The following NT5C3A variants were observed in gnomAD, a reference collection of about 807,000 sequenced individuals.
NT5C3A encodes the protein 5'-nucleotidase, cytosolic IIIA.
A neutral mutation model predicts 40.0 loss-of-function variants in NT5C3A; 23 were observed. That is an observed-to-expected ratio of 0.58 (90% confidence interval 0.41 to 0.81). The LOEUF is 0.81. NT5C3A is among the 40% of genes least tolerant of loss of function. The probability of loss-of-function intolerance (pLI) is 0.00; values close to 1 mark genes in which losing one functional copy is unlikely to be tolerated. For synonymous variants in NT5C3A, 130 were observed against 141.4 expected (o/e 0.92, Z 0.57); for missense variants, 328 against 403.0 (o/e 0.81, Z 1.59).
intron 8 of NT5C3A, 71 bp downstream of exon 8, chr7:33,015,599 A>T: frequency 1.0e-6 from 1 of 981,434 alleles, no homozygotes; most frequent in Non-Finnish European, 1.6e-6. Flanking sequence ...TCAGGTGACT[A>T]TGGCAACAAT....
At chr7:33,054,968 G>A (rs1787514084) in intron 1 of NT5C3A, among the ~76,000 whole-genome samples, 1 of 152,198 alleles carries the variant, frequency 6.6e-6, no homozygotes, top group South Asian at 2.1e-4. Flanking sequence ...GCTATGTGTT[G>A]AGAGCTACTT....
chr7:33,015,276 A>G (rs904020052), intron 8 of NT5C3A, among the ~76,000 whole-genome samples: 5 of 152,154 alleles, frequency 3.3e-5, no homozygotes, highest in Admixed American at 6.5e-5. Flanking sequence ...CATGATCACA[A>G]TATGTTTTGG....
intron 1 of NT5C3A, among the ~76,000 whole-genome samples, chr7:33,034,082 G>A (rs1278486613): frequency 6.6e-6 from 1 of 151,564 alleles, no homozygotes; most frequent in Non-Finnish European, 1.5e-5. Context: ...TAGTAGGGAC[G>A]GGGTTTCACC....
chr7:33,017,365 T>C (rs776063724), intron 7 of NT5C3A, 74 bp downstream of exon 7: 1 of 1,215,850 alleles, frequency 8.2e-7, no homozygotes. Flanking sequence ...ATATATTAAG[T>C]AACAATAAAT....
intron 1 of NT5C3A, among the ~76,000 whole-genome samples, chr7:33,057,532 T>G (rs1049554009): frequency 3.3e-5 from 5 of 151,518 alleles, no homozygotes; most frequent in African/African-American, 4.9e-5. Context: ...AAAAAGAAAA[T>G]AAAATAAAAA....
At chr7:33,022,529 AAAATT>A (rs1483690811) in intron 3 of NT5C3A, among the ~76,000 whole-genome samples, 1 of 152,250 alleles carries the variant, frequency 6.6e-6, no homozygotes, top group Non-Finnish European at 1.5e-5. Context: ...GAAGAAAACA[AAAATT>A]GAATGGTAAA....
At chr7:33,050,696 T>C (rs1787329405) in intron 1 of NT5C3A, among the ~76,000 whole-genome samples, 1 of 152,234 alleles carries the variant, frequency 6.6e-6, no homozygotes, top group African/African-American at 2.4e-5. Context: ...TAAACTACTT[T>C]GTAATCTATC....
chr7:33,022,462 A>C (rs1785681817), intron 3 of NT5C3A, among the ~76,000 whole-genome samples: 1 of 152,178 alleles, frequency 6.6e-6, no homozygotes, highest in East Asian at 1.9e-4. Context: ...TTTTTTTCGT[A>C]ATAAAAAGAT....
intron 1 of NT5C3A, among the ~76,000 whole-genome samples, chr7:33,058,333 T>A (rs548492199): frequency 7.0e-6 from 1 of 143,674 alleles, no homozygotes; most frequent in East Asian, 2.0e-4. Flanking sequence ...AGTACACTTT[T>A]ATTATTTTTT....
intron 1 of NT5C3A, among the ~76,000 whole-genome samples, chr7:33,061,189 T>C (rs1053203437): frequency 2.6e-5 from 4 of 152,222 alleles, no homozygotes; most frequent in African/African-American, 7.2e-5. Flanking sequence ...ATTATTAACC[T>C]TGGGCAAAAG....
At chr7:33,030,043 A>G (rs1191072630) in intron 1 of NT5C3A, among the ~76,000 whole-genome samples, 1 of 152,164 alleles carries the variant, frequency 6.6e-6, no homozygotes, top group East Asian at 1.9e-4. Flanking sequence ...AAAAATGACC[A>G]TTCTATCTGT....
At chr7:33,024,293 T>C (rs1412490448) in intron 2 of NT5C3A, among the ~76,000 whole-genome samples, 185 bp from the exon 3 acceptor site, 1 of 152,222 alleles carries the variant, frequency 6.6e-6, no homozygotes, top group Non-Finnish European at 1.5e-5. Context: ...TATAAAGTCC[T>C]GGGAATAATC....
At chr7:33,041,031 C>T in intron 1 of NT5C3A, 1 of 985,444 alleles carries the variant, frequency 1.0e-6, no homozygotes, top group Non-Finnish European at 1.2e-6. Flanking sequence ...TTTATATATG[C>T]TCTTGGTTAC....
intron 2 of NT5C3A, 68 bp from the exon 3 acceptor site, chr7:33,024,176 C>G (rs1394324417): frequency 2.4e-6 from 2 of 844,170 alleles, no homozygotes; most frequent in African/African-American, 3.3e-5. Context: ...TCTGTGCTAC[C>G]CAAACACATA....
At chr7:33,025,888 T>G (rs1785899499) in intron 2 of NT5C3A, among the ~76,000 whole-genome samples, 1 of 152,094 alleles carries the variant, frequency 6.6e-6, no homozygotes, top group South Asian at 2.1e-4. Context: ...GGCTTTAACA[T>G]TAAAAATAAA....
chr7:33,062,482 C>G (rs1000069452), intron 1 of NT5C3A, 86 bp downstream of exon 1: 16 of 1,273,152 alleles, frequency 1.3e-5, no homozygotes, highest in Non-Finnish European at 1.7e-5. Flanking sequence ...CGCGACCGAA[C>G]AGCGGCCCAG....
At chr7:33,032,508 G>A (rs1786333988) in intron 1 of NT5C3A, among the ~76,000 whole-genome samples, 1 of 151,508 alleles carries the variant, frequency 6.6e-6, no homozygotes, top group South Asian at 2.1e-4. Flanking sequence ...CCAGGCTGGA[G>A]GGCAGTGGCG....
intron 1 of NT5C3A, among the ~76,000 whole-genome samples, chr7:33,053,969 T>C (rs1162795496): frequency 2.0e-5 from 3 of 152,162 alleles, no homozygotes; most frequent in Non-Finnish European, 1.5e-5. Flanking sequence ...AAACATGATT[T>C]GAAAGGACAA....
chr7:33,056,473 C>CAAAAAAAAAAAAAAAAAAA (rs70989927), intron 1 of NT5C3A, among the ~76,000 whole-genome samples: 2 of 43,684 alleles, frequency 4.6e-5, no homozygotes, highest in Admixed American at 4.5e-4. Context: ...CCGTCTCTAC[C>CAAAAAAAAAAAAAAAAAAA]AAAAAAAAAA....
Sources: allele counts gnomAD v4.1 joint callset (sites outside exome capture counted in the v4.1 genomes callset), GRCh38; gene constraint gnomAD v4.1.1; transcripts MANE v1.5; gene names NCBI Gene and HGNC (gene_info 2026-07-23, HGNC 2026-07-21).